FAS: variants seen among roughly 807,000 people sequenced by gnomAD.
FAS encodes tumor necrosis factor receptor superfamily member 6.
FAS carries 5 observed loss-of-function variants against 33.2 expected under a neutral mutation model. The ratio of observed to expected loss-of-function variants is 0.15; its 90% CI spans 0.08 to 0.32. The LOEUF (loss-of-function observed/expected upper bound fraction) is 0.32, where lower values mean the gene tolerates loss of function less well. FAS is among the 10% of genes least tolerant of loss of function. The pLI is 1.00. For synonymous variants in FAS, 131 were observed against 130.7 expected (o/e 1.00, Z -0.01); for missense variants, 339 against 386.0 (o/e 0.88, Z 1.02).
At chr10:88,968,192 T>C (rs1846355216) in intron 1 of FAS, among the ~76,000 whole-genome samples, 1 of 152,204 alleles carries the variant, frequency 6.6e-6, no homozygotes, top group African/African-American at 2.4e-5. Context: ...AACTGGTAAC[T>C]CAGAAATGTT....
At position 88,999,110 on chromosome 10, in the gene FAS, G is replaced by A. The variant is rs1183608227; in HGVS notation, c.31-3919G>A. On this transcript the variant is annotated intron_variant, in intron 1 of 8. Transcript: ENST00000652046. ...GGAGCTTGCAGTGAGCCGAGATCGC[G>A]CCACTGCACCTCCAGCCTGGCAACA... Among the ~76,000 whole-genome samples, 3 of 149,716 alleles carry A rather than the reference G, an allele frequency of 2.0e-5. No homozygotes were observed. In the East Asian group the frequency reaches 5.9e-4, roughly 29 times the overall value.
intron 1 of FAS, among the ~76,000 whole-genome samples, chr10:88,997,783 A>C (rs1847687035): frequency 6.6e-6 from 1 of 152,186 alleles, no homozygotes; most frequent in Non-Finnish European, 1.5e-5. Flanking sequence ...CTACAAGCAG[A>C]CAAGCAGAAT....
chr10:89,011,881 TAA>T (rs780445255), intron 6 of FAS, 116 bp from the exon 7 acceptor site: 1 of 972,690 alleles, frequency 1.0e-6, no homozygotes, highest in East Asian at 2.5e-5. Context: ...TGGCCACTTT[TAA>T]GTTTCACTGA....
Position 89,016,916 on chromosome 10 carries a change from C to T in FAS, c.*2466C>T, listed in dbSNP as rs1259606885. On this transcript the variant is annotated 3_prime_UTR_variant, in exon 9 of 9. Coordinates refer to ENST00000652046, the MANE Select transcript of FAS (RefSeq NM_000043.6). ...GAATCATCAGTTTCTGTACAACTAT[C>T]TGAATAAGGTATATAATCAATGAAA... The T allele has an allele frequency of 5.2e-6, 1 of 192,084 alleles. No homozygotes were observed. Among genetic ancestry groups the T allele is most frequent in the Non-Finnish European group, 1.1e-5 (1 of 91,864 alleles). 11.9% of individuals were successfully genotyped at this position (192,084 alleles called of 1,614,324 possible).
At chr10:89,007,617 A>G (rs1848303051) in intron 2 of FAS, 83 bp from the exon 3 acceptor site, 2 of 1,513,794 alleles carry the variant, frequency 1.3e-6, no homozygotes, top group Non-Finnish European at 1.8e-6. Flanking sequence ...GAAGAGTTTT[A>G]TTGTCTGTCA....
Position 89,003,205 on chromosome 10 carries a change from C to G in FAS, c.196+11C>G, listed in dbSNP as rs1294381827. The G allele has an allele frequency of 6.2e-7, 1 of 1,613,848 alleles. No homozygotes were observed. On this transcript the variant is annotated intron_variant, in intron 2 of 8. Coordinates refer to ENST00000652046, the MANE Select transcript of FAS (RefSeq NM_000043.6). ...AGCCCTGTCCTCCAGGTATGTTACA[C>G]AAAACATCCAGAGATTACAGTGAAA...
At chr10:88,985,880 T>C (rs1294993366), upstream of FAS, among the ~76,000 whole-genome samples, 4 of 152,222 alleles carry the variant, frequency 2.6e-5, no homozygotes, top group African/African-American at 9.7e-5. Flanking sequence ...TCCAGAAGTA[T>C]AATGCCCTTG....
upstream of FAS, among the ~76,000 whole-genome samples, chr10:88,982,440 G>A (rs1433380012): frequency 6.8e-6 from 1 of 147,726 alleles, no homozygotes; most frequent in Admixed American, 6.7e-5. Context: ...TTTTTTTTTT[G>A]AAATGAGGAA....
intron 1 of FAS, among the ~76,000 whole-genome samples, chr10:89,001,556 A>C (rs559424376): frequency 8.5e-4 from 128 of 151,324 alleles, no homozygotes; most frequent in Non-Finnish European, 1.5e-3. Flanking sequence ...ATTCCTGAGA[A>C]AGTGTGGAGA....
At chr10:88,996,733 G>T (rs1018985984) in intron 1 of FAS, among the ~76,000 whole-genome samples, 1 of 152,080 alleles carries the variant, frequency 6.6e-6, no homozygotes, top group Non-Finnish European at 1.5e-5. Context: ...AAGACATCAT[G>T]TTATATACCA....
upstream of FAS, among the ~76,000 whole-genome samples, chr10:88,983,373 GAAC>G (rs1846759431): frequency 6.6e-6 from 1 of 152,030 alleles, no homozygotes; most frequent in Non-Finnish European, 1.5e-5. Flanking sequence ...GTGTTCAACA[GAAC>G]AACAAAACAA....
In FAS at chr10:89,016,824, G is replaced by A. The variant is rs958266375; in HGVS notation, c.*2374G>A. On this transcript the variant is annotated 3_prime_UTR_variant, in exon 9 of 9. Transcript: ENST00000652046. ...AAGCATTGCATATTCAAACATCTTGGTCTTCTTTATTGGCATGCCCACAGG... is the reference window on the plus strand; with the variant it reads ...AAGCATTGCATATTCAAACATCTTGATCTTCTTTATTGGCATGCCCACAGG... The A allele has an allele frequency of 9.4e-6, 2 of 212,504 alleles. No homozygotes were observed. Among genetic ancestry groups the A allele is most frequent in the Non-Finnish European group, 9.5e-6 (1 of 104,972 alleles). 13.2% of individuals were successfully genotyped at this position (212,504 alleles called of 1,614,324 possible). A position where few individuals can be genotyped will look rare whatever the true frequency, so the allele number is the denominator to read the frequency against.
At chr10:88,972,807 G>A (rs1846479152) in intron 1 of FAS, among the ~76,000 whole-genome samples, 1 of 152,124 alleles carries the variant, frequency 6.6e-6, no homozygotes, top group Non-Finnish European at 1.5e-5. Context: ...TTAACTATAT[G>A]TGCTATCAAA....
chr10:89,010,678 A>C, intron 5 of FAS, 75 bp from the exon 6 acceptor site: 1 of 1,607,108 alleles, frequency 6.2e-7, no homozygotes, highest in Non-Finnish European at 8.5e-7. Context: ...ATCACTCTTG[A>C]TTACTAGAAA....
chr10:89,006,037 T>A (rs983662203), intron 2 of FAS, among the ~76,000 whole-genome samples: 4 of 152,234 alleles, frequency 2.6e-5, no homozygotes, highest in Non-Finnish European at 5.9e-5. Context: ...AAATCTGATT[T>A]TCAATAAAAC....
At chr10:88,985,937 T>A (rs1297708425), upstream of FAS, among the ~76,000 whole-genome samples, 2 of 152,248 alleles carry the variant, frequency 1.3e-5, no homozygotes, top group Non-Finnish European at 2.9e-5. Context: ...CAGGCAAATA[T>A]TTTGTTTCAA....
intron 2 of FAS, among the ~76,000 whole-genome samples, chr10:88,981,674 CTG>C (rs1179395231): frequency 1.3e-5 from 2 of 152,092 alleles, no homozygotes; most frequent in African/African-American, 4.8e-5. Context: ...GAAGGGAACA[CTG>C]TAGGGAGGGA....
chr10:88,999,168 T>A (rs12766185), intron 1 of FAS, among the ~76,000 whole-genome samples: 73 of 67,826 alleles, frequency 1.1e-3, no homozygotes, highest in South Asian at 3.1e-3. Flanking sequence ...AATAAATAAA[T>A]AAATAAAATA....
chr10:88,967,862 C>A (rs2133314232), intron 1 of FAS, among the ~76,000 whole-genome samples: 1 of 152,262 alleles, frequency 6.6e-6, no homozygotes, highest in South Asian at 2.1e-4. Context: ...TCCCTTTCTT[C>A]CTCTGGAGAA....
Sources: allele counts gnomAD v4.1 joint callset (sites outside exome capture counted in the v4.1 genomes callset), GRCh38; gene constraint gnomAD v4.1.1; transcripts MANE v1.5; gene names NCBI Gene and HGNC (gene_info 2026-07-23, HGNC 2026-07-21).